KLF8: variants seen among roughly 807,000 people sequenced by gnomAD.
The protein encoded by KLF8 is Krueppel-like factor 8.
A neutral mutation model predicts 18.2 loss-of-function variants in KLF8; 10 were observed. The observed-to-expected ratio is 0.55, with a 90% CI of 0.34 to 0.93. The LOEUF is 0.93. KLF8 is among the 40% of genes least tolerant of loss of function. KLF8 has a pLI of 0.02. For synonymous variants in KLF8, 109 were observed against 97.3 expected, an observed-to-expected ratio of 1.12 and a Z score of -0.71; for missense variants, 264 against 277.9, an observed-to-expected ratio of 0.95 and a Z score of 0.36.
the KLF8 span, among the ~76,000 whole-genome samples, chrX:56,155,593 T>A: frequency 9.0e-6 from 1 of 111,386 alleles, no homozygotes; most frequent in African/African-American, 3.3e-5. Context: ...ACCCTAGAAC[T>A]TAAAGTATAA....
the KLF8 span, among the ~76,000 whole-genome samples, chrX:55,941,750 A>C: frequency 8.9e-6 from 1 of 112,403 alleles, no homozygotes; most frequent in Admixed American, 9.4e-5. Context: ...TATGCAGCCG[A>C]AAGACACATG....
chrX:56,171,738 T>C, the KLF8 span, among the ~76,000 whole-genome samples: 1 of 112,049 alleles, frequency 8.9e-6, no homozygotes, highest in African/African-American at 3.2e-5. Context: ...TTCCGTGCTG[T>C]ATATGTGCCA....
At chrX:56,193,046 G>T in the KLF8 span, among the ~76,000 whole-genome samples, 4 of 112,383 alleles carry the variant, frequency 3.6e-5, no homozygotes, top group Non-Finnish European at 7.5e-5. Flanking sequence ...CACAGAGTGG[G>T]AGAAAATCTT....
the KLF8 span, among the ~76,000 whole-genome samples, chrX:56,009,977 A>C: frequency 4.5e-5 from 5 of 112,234 alleles, no homozygotes; most frequent in Non-Finnish European, 7.5e-5. Flanking sequence ...AACCAAACCT[A>C]TGACTGATTG....
chrX:55,963,245 G>A, the KLF8 span, among the ~76,000 whole-genome samples: 4 of 111,999 alleles, frequency 3.6e-5, no homozygotes, highest in Admixed American at 1.9e-4. Flanking sequence ...GCAAAGAATA[G>A]TGGAGAGTAG....
chrX:56,194,629 G>A, the KLF8 span, among the ~76,000 whole-genome samples: 3 of 112,564 alleles, frequency 2.7e-5, no homozygotes, highest in Admixed American at 1.9e-4. Context: ...CTGTGGGCAG[G>A]ACATAGCTAA....
the KLF8 span, among the ~76,000 whole-genome samples, chrX:56,195,845 A>G: frequency 8.9e-6 from 1 of 111,769 alleles, no homozygotes; most frequent in Non-Finnish European, 1.9e-5. Flanking sequence ...AGGTCGAGTT[A>G]CCCACAAAAG....
the KLF8 span, among the ~76,000 whole-genome samples, chrX:56,141,239 T>C: frequency 8.9e-6 from 1 of 112,146 alleles, no homozygotes; most frequent in Non-Finnish European, 1.9e-5. Context: ...TGTGCTGGGG[T>C]TACAGGCGTG....
chrX:55,994,048 C>G, the KLF8 span, among the ~76,000 whole-genome samples: 1 of 108,495 alleles, frequency 9.2e-6, no homozygotes, highest in South Asian at 4.1e-4. Context: ...GTAGCTGGGA[C>G]TACAGGTGCA....
the KLF8 span, among the ~76,000 whole-genome samples, chrX:56,078,142 C>A: frequency 9.0e-6 from 1 of 111,576 alleles, no homozygotes; most frequent in Admixed American, 9.5e-5. Flanking sequence ...TTTCCTTCTC[C>A]TGCCTAATTG....
the KLF8 span, among the ~76,000 whole-genome samples, chrX:56,023,488 A>C: frequency 8.9e-6 from 1 of 112,056 alleles, no homozygotes; most frequent in Non-Finnish European, 1.9e-5. Flanking sequence ...CTGTGCTAAC[A>C]TCAGACCAAA....
the KLF8 span, among the ~76,000 whole-genome samples, chrX:56,135,175 A>G: frequency 4.5e-5 from 5 of 111,207 alleles, no homozygotes; most frequent in African/African-American, 1.6e-4. Context: ...TAGAAATACC[A>G]TTTGACCCAG....
the KLF8 span, among the ~76,000 whole-genome samples, chrX:56,146,715 A>T: frequency 5.5e-5 from 1 of 18,217 alleles, no homozygotes; most frequent in Non-Finnish European, 1.8e-4. Context: ...AGTATAATAA[A>T]AAAAAAAAAA....
At chrX:55,997,302 C>T in the KLF8 span, among the ~76,000 whole-genome samples, 1 of 112,089 alleles carries the variant, frequency 8.9e-6, no homozygotes, top group Non-Finnish European at 1.9e-5. Flanking sequence ...TCTGGCCATG[C>T]TCCACTGCAG....
At chrX:55,975,124 G>C in the KLF8 span, among the ~76,000 whole-genome samples, 2 of 111,762 alleles carry the variant, frequency 1.8e-5, no homozygotes, top group African/African-American at 6.5e-5. Context: ...GAAAAAGGAT[G>C]ACTAGAGGAG....
At position 56,250,317 on chromosome X, in the gene KLF8, G is replaced by A; in HGVS notation, c.81+13G>A. ...GGTATTCAAGCAGGTCAGTTATCAG[G>A]AAAATAGGGTGCTAATATTGGGCCA... On this transcript the variant is annotated intron_variant, in intron 2 of 5. Transcript: ENST00000468660. 7 of 1,145,820 alleles carry A rather than the reference G, an allele frequency of 6.1e-6. No individual in the cohort carries two copies. Among genetic ancestry groups the A allele is most frequent in the Non-Finnish European group, 7.2e-6 (6 of 836,788 alleles). 94.4% of individuals were successfully genotyped at this position (1,145,820 alleles called of 1,213,427 possible). A position where few individuals can be genotyped will look rare whatever the true frequency, so the allele number is the denominator to read the frequency against.
At chrX:56,268,624 A>G (rs887819039) in intron 3 of KLF8, 2 of 649,480 alleles carry the variant, frequency 3.1e-6, no homozygotes, top group Non-Finnish European at 3.7e-6. Context: ...ACATGCTTAA[A>G]ACTTTTTAGT....
At chrX:56,015,467 T>A in the KLF8 span, among the ~76,000 whole-genome samples, 6 of 112,596 alleles carry the variant, frequency 5.3e-5, no homozygotes, top group Non-Finnish European at 7.5e-5. Context: ...AGGCTGAACA[T>A]CTTTTCATCT....
chrX:56,025,797 G>C, the KLF8 span, among the ~76,000 whole-genome samples: 1 of 111,631 alleles, frequency 9.0e-6, no homozygotes, highest in Non-Finnish European at 1.9e-5. Flanking sequence ...TACATACTTT[G>C]TACTGAGTGT....
Sources: allele counts gnomAD v4.1 joint callset (sites outside exome capture counted in the v4.1 genomes callset), GRCh38; gene constraint gnomAD v4.1.1; transcripts MANE v1.5; gene names NCBI Gene and HGNC (gene_info 2026-07-23, HGNC 2026-07-21).